Variants in ENOX2 observed in about 807,000 individuals in gnomAD.
ENOX2 encodes the protein ecto-NOX disulfide-thiol exchanger 2.
A neutral mutation model predicts 45.0 loss-of-function variants in ENOX2; 36 were observed. The ratio of observed to expected loss-of-function variants is 0.80; its 90% CI spans 0.61 to 1.06. The LOEUF (loss-of-function observed/expected upper bound fraction) is 1.06. Ranked by LOEUF, ENOX2 falls within the 50% of genes least tolerant of loss-of-function variation. The probability of loss-of-function intolerance (pLI) is 0.00; values close to 1 mark genes in which losing one functional copy is unlikely to be tolerated. For synonymous variants in ENOX2, 174 were observed against 152.3 expected, an observed-to-expected ratio of 1.14 and a Z score of -1.05; for missense variants, 423 against 462.5, an observed-to-expected ratio of 0.91 and a Z score of 0.78.
At chrX:130,807,049 C>T (rs2077313675) in intron 2 of ENOX2, among the ~76,000 whole-genome samples, 1 of 112,014 alleles carries the variant, frequency 8.9e-6, no homozygotes, top group South Asian at 3.7e-4. Context: ...CCTAACTACA[C>T]TTGACCTAAT....
intron 2 of ENOX2, among the ~76,000 whole-genome samples, chrX:130,859,765 T>C (rs779648351): frequency 3.7e-4 from 41 of 111,813 alleles, no homozygotes; most frequent in Middle Eastern, 4.6e-3. Context: ...TAAGACACCA[T>C]TGCAGTTTAG....
rs151142496 is a variant in ENOX2 at position 130,794,799 on chromosome X, T to C, written c.-182-11109A>G. On this transcript the variant is annotated intron_variant, in intron 2 of 14. Coordinates refer to ENST00000394363, the MANE Select transcript of ENOX2 (RefSeq NM_006375.4). The stretch of plus-strand genomic sequence containing the variant: ...ATTTGTATCTTTGCTTTGCCCAAAA[T>C]GTACACACCAATTTCACCAGATTTC... Among the ~76,000 whole-genome samples, 522 of 112,462 alleles carry C rather than the reference T, an allele frequency of 4.6e-3. 1 individual carries two copies. Among genetic ancestry groups the C allele is most frequent in the African/African-American group, 9.6e-3 (299 of 31,003 alleles).
chrX:130,641,718 CAAAAAAAAAA>C (rs753792308), intron 10 of ENOX2, among the ~76,000 whole-genome samples: 1 of 34,717 alleles, frequency 2.9e-5, no homozygotes, highest in Admixed American at 3.8e-4. Flanking sequence ...ACTCCATCTC[CAAAAAAAAAA>C]AAAAAAAAAA....
intron 2 of ENOX2, among the ~76,000 whole-genome samples, chrX:130,843,403 C>T (rs1266029868): frequency 8.9e-6 from 1 of 111,955 alleles, no homozygotes; most frequent in Non-Finnish European, 1.9e-5. Flanking sequence ...CTCCAACCAA[C>T]TCTCTAGTTG....
chrX:130,767,084 T>A (rs2039634449), intron 3 of ENOX2, among the ~76,000 whole-genome samples: 1 of 111,714 alleles, frequency 9.0e-6, no homozygotes, highest in African/African-American at 3.2e-5. Context: ...TATGTTTAGC[T>A]CTGTATTAGT....
intron 2 of ENOX2, among the ~76,000 whole-genome samples, chrX:130,862,858 G>A (rs2078431130): frequency 1.8e-5 from 2 of 111,819 alleles, no homozygotes; most frequent in East Asian, 2.8e-4. Flanking sequence ...GAATAACTGA[G>A]GGGCACAGGG....
At chrX:130,750,180 T>G (rs954658991) in intron 3 of ENOX2, among the ~76,000 whole-genome samples, 3 of 112,027 alleles carry the variant, frequency 2.7e-5, no homozygotes, top group Non-Finnish European at 5.6e-5. Context: ...GTTTTCAGTC[T>G]GTCTGTCTTT....
At chrX:130,796,919 C>G (rs1032920538) in intron 2 of ENOX2, among the ~76,000 whole-genome samples, 1 of 112,080 alleles carries the variant, frequency 8.9e-6, no homozygotes, top group Non-Finnish European at 1.9e-5. Flanking sequence ...GGAGAAGAAG[C>G]ACTCTAATCA....
intron 10 of ENOX2, among the ~76,000 whole-genome samples, chrX:130,640,429 T>G (rs775461689): frequency 2.7e-5 from 3 of 112,005 alleles, no homozygotes; most frequent in African/African-American, 6.5e-5. Context: ...TATAAATCAT[T>G]GTATTATAAA....
intron 2 of ENOX2, among the ~76,000 whole-genome samples, chrX:130,895,091 CTATTAG>C (rs1192786539): frequency 8.9e-6 from 1 of 111,780 alleles, no homozygotes; most frequent in Non-Finnish European, 1.9e-5. Flanking sequence ...TCTATCTCCC[CTATTAG>C]ACTGTGAGCT....
intron 2 of ENOX2, among the ~76,000 whole-genome samples, chrX:130,794,810 A>G (rs2077094603): frequency 8.9e-6 from 1 of 112,258 alleles, no homozygotes; most frequent in Non-Finnish European, 1.9e-5. Context: ...GTACACACCA[A>G]TTTCACCAGA....
intron 5 of ENOX2, among the ~76,000 whole-genome samples, chrX:130,688,420 G>A (rs772626805): frequency 1.6e-4 from 18 of 111,820 alleles, no homozygotes; most frequent in Non-Finnish European, 2.4e-4. Flanking sequence ...CAACCCATCG[G>A]TTGAATAGCA....
chrX:130,876,064 C>T (rs1026491464), intron 2 of ENOX2, among the ~76,000 whole-genome samples: 1 of 111,762 alleles, frequency 8.9e-6, no homozygotes, highest in Non-Finnish European at 1.9e-5. Flanking sequence ...AAAGGTTAAA[C>T]ATAGAGTTAC....
chrX:130,652,385 C>G, intron 10 of ENOX2, among the ~76,000 whole-genome samples: 1 of 111,747 alleles, frequency 8.9e-6, no homozygotes, highest in Non-Finnish European at 1.9e-5. Flanking sequence ...TCTTCTTTCA[C>G]TTGTCTTTCA....
rs754621698 is a variant in ENOX2, at chrX:130,860,728, T to A, written c.-183+40956A>T. On this transcript the variant is annotated intron_variant, in intron 2 of 14. Coordinates refer to ENST00000394363, the MANE Select transcript of ENOX2 (RefSeq NM_006375.4). ...CATCTACCACCATCTCTTGCTTAGA[T>A]TACTGAAGCAACTTCCTATCTGGTC... Among the ~76,000 whole-genome samples, 33 of 111,743 alleles carry A rather than the reference T, an allele frequency of 3.0e-4. No individual in the cohort carries two copies. The East Asian group carries it at 9.0e-3, about 30-fold the overall frequency.
At chrX:130,861,230 T>C (rs956419497) in intron 2 of ENOX2, among the ~76,000 whole-genome samples, 4 of 112,263 alleles carry the variant, frequency 3.6e-5, no homozygotes, top group Non-Finnish European at 7.5e-5. Flanking sequence ...ATAACTACCA[T>C]ATGATCCAGC....
rs747712251 is a variant in ENOX2 at position 130,665,708 on chromosome X, T to G, written c.949A>C (p.Lys317Gln). The change falls in exon 9 of 15, where the codon AAG (lysine) becomes CAG (glutamine). Residue 317 changes from lysine to glutamine, a missense_variant. By Grantham distance (53) the Lys-to-Gln change is moderately conservative (BLOSUM62 1). Coordinates refer to ENST00000394363, the MANE Select transcript of ENOX2 (RefSeq NM_006375.4). Reference protein sequence around the residue: ...VAVYHSASKQKAWDHFTKAQR... With the variant: ...VAVYHSASKQQAWDHFTKAQR... ...GCTTTTGTGAAGTGGTCCCATGCCT[T>G]CTGCTTGGAGGCGGAATGGTACACA... 2 of 1,205,302 alleles carry G rather than the reference T, an allele frequency of 1.7e-6. No individual in the cohort carries two copies. Among genetic ancestry groups the G allele is most frequent in the Non-Finnish European group, 2.2e-6 (2 of 891,915 alleles).
At chrX:130,680,991 G>A (rs762300230) in intron 5 of ENOX2, among the ~76,000 whole-genome samples, 2 of 111,631 alleles carry the variant, frequency 1.8e-5, no homozygotes, top group South Asian at 7.6e-4. Flanking sequence ...CCTGTATTTG[G>A]TCAAAAAAAG....
At chrX:130,731,185 C>T (rs1020948588) in intron 3 of ENOX2, among the ~76,000 whole-genome samples, 2 of 111,415 alleles carry the variant, frequency 1.8e-5, no homozygotes, top group Non-Finnish European at 1.9e-5. Context: ...TTCTCATGTG[C>T]CAAATGGTAA....
Sources: gnomAD v4.1 joint callset for allele counts (sites outside exome capture counted in the v4.1 genomes callset) on GRCh38, gnomAD v4.1.1 for gene constraint, MANE v1.5 for transcripts, NCBI Gene and HGNC (gene_info 2026-07-23, HGNC 2026-07-21) for gene names.